The following TBC1D32 variants were observed in gnomAD, a reference collection of about 807,000 sequenced individuals.
TBC1D32 encodes protein broad-minded.
TBC1D32 carries 151 observed loss-of-function variants against 170.3 expected under a neutral mutation model. That is an observed-to-expected ratio of 0.89 (90% CI 0.78 to 1.01). The LOEUF is 1.01. TBC1D32 is among the 50% of genes least tolerant of loss of function. The pLI is 0.00. For synonymous variants in TBC1D32, 498 were observed against 488.0 expected, an observed-to-expected ratio of 1.02 and a Z score of -0.27; for missense variants, 1,464 against 1,457.1, an observed-to-expected ratio of 1.00 and a Z score of -0.08.
chr6:121,095,077 C>A (rs2128180127), intron 30 of TBC1D32, among the ~76,000 whole-genome samples: 1 of 152,118 alleles, frequency 6.6e-6, no homozygotes, highest in African/African-American at 2.4e-5. Flanking sequence ...ATGAAATGGG[C>A]TTATAAAGAA....
chr6:121,309,056 A>G (rs1187012866), intron 4 of TBC1D32, among the ~76,000 whole-genome samples: 1 of 151,898 alleles, frequency 6.6e-6, no homozygotes, highest in Non-Finnish European at 1.5e-5. Context: ...ACTCTGAACC[A>G]GGGCCCAACT....
chr6:121,246,386 C>T (rs4555965), intron 17 of TBC1D32, among the ~76,000 whole-genome samples: 134,402 of 152,062 alleles, frequency 0.88, 59,837 homozygotes, highest in East Asian at 0.98. Flanking sequence ...AAAAATTTTT[C>T]TAATCCGATC....
chr6:121,290,170 G>T (rs1804601578), intron 12 of TBC1D32, among the ~76,000 whole-genome samples: 1 of 152,172 alleles, frequency 6.6e-6, no homozygotes, highest in Non-Finnish European at 1.5e-5. Context: ...AAGCTAAAGA[G>T]CTTCTGCACA....
At chr6:121,175,728 A>G (rs1395041322) in intron 22 of TBC1D32, among the ~76,000 whole-genome samples, 1 of 152,218 alleles carries the variant, frequency 6.6e-6, no homozygotes, top group Non-Finnish European at 1.5e-5. Context: ...AGACAAATCT[A>G]TCTCAATACA....
intron 3 of TBC1D32, among the ~76,000 whole-genome samples, chr6:121,315,583 G>A (rs76484580): frequency 0.033 from 4,993 of 152,128 alleles, 194 homozygotes; most frequent in East Asian, 0.12. Context: ...AAATGAAAGT[G>A]TTTCACTAAT....
intron 1 of TBC1D32, among the ~76,000 whole-genome samples, chr6:121,322,561 C>A (rs2128504085): frequency 6.6e-6 from 1 of 152,238 alleles, no homozygotes; most frequent in East Asian, 1.9e-4. Context: ...CCTTTCTCAC[C>A]TAAGACCCAA....
intron 12 of TBC1D32, among the ~76,000 whole-genome samples, chr6:121,290,472 AT>A: frequency 6.6e-6 from 1 of 152,010 alleles, no homozygotes; most frequent in East Asian, 1.9e-4. Flanking sequence ...ACCAGTTAGA[AT>A]GGCGATCATT....
In TBC1D32 at chr6:121,085,264, T is replaced by C. The variant is rs951261488; in HGVS notation, c.3655-4374A>G. ...ATACATACGTATATATATACACATA[T>C]ATACATATATACGTATATATATACA... On this transcript the variant is annotated intron_variant, in intron 31 of 31. Transcript: ENST00000398212. 1.0e-2 allele frequency among the ~76,000 whole-genome samples: 1,473 copies of C among 147,306 alleles called. 21 individuals are homozygous for C. The highest frequency in any genetic ancestry group is 0.034 in the African/African-American group (1,385 of 40,398).
At chr6:121,087,454 G>A (rs914407661) in intron 31 of TBC1D32, among the ~76,000 whole-genome samples, 2 of 152,022 alleles carry the variant, frequency 1.3e-5, no homozygotes, top group Admixed American at 6.6e-5. Flanking sequence ...GACTACAAAT[G>A]GACTGATATT....
chr6:121,132,412 T>G (rs182793010), intron 24 of TBC1D32, among the ~76,000 whole-genome samples: 1 of 152,002 alleles, frequency 6.6e-6, no homozygotes, highest in Non-Finnish European at 1.5e-5. Flanking sequence ...GATGAGAAGT[T>G]GAGACCAGAG....
intron 12 of TBC1D32, among the ~76,000 whole-genome samples, chr6:121,285,292 T>C (rs1181964197): frequency 6.6e-6 from 1 of 152,188 alleles, no homozygotes; most frequent in Admixed American, 6.5e-5. Context: ...CAAAAGTGCA[T>C]GGGTTGAAGT....
intron 30 of TBC1D32, among the ~76,000 whole-genome samples, chr6:121,100,062 T>C (rs548925772): frequency 6.6e-6 from 1 of 152,112 alleles, no homozygotes; most frequent in East Asian, 1.9e-4. Flanking sequence ...TTGGTTTCCA[T>C]GTAGTTGAGC....
At chr6:121,265,208 T>A (rs1163033085) in intron 15 of TBC1D32, among the ~76,000 whole-genome samples, 1 of 152,124 alleles carries the variant, frequency 6.6e-6, no homozygotes, top group Non-Finnish European at 1.5e-5. Context: ...CAAGCAACTT[T>A]AGCAAAGTCC....
intron 2 of TBC1D32, among the ~76,000 whole-genome samples, chr6:121,318,082 C>T (rs896183024): frequency 7.3e-5 from 11 of 150,598 alleles, no homozygotes; most frequent in African/African-American, 2.2e-4. Context: ...TCTCCACCCC[C>T]CTATCCTTTA....
intron 22 of TBC1D32, among the ~76,000 whole-genome samples, chr6:121,181,683 T>TA (rs1370339822): frequency 1.3e-5 from 2 of 152,134 alleles, no homozygotes; most frequent in Non-Finnish European, 2.9e-5. Context: ...CTTCCATGTT[T>TA]ACTGCAGCAC....
intron 31 of TBC1D32, among the ~76,000 whole-genome samples, chr6:121,087,326 AT>A (rs1562433714): frequency 6.6e-6 from 1 of 152,184 alleles, no homozygotes; most frequent in Non-Finnish European, 1.5e-5. Flanking sequence ...ATTCCAACTT[AT>A]CTTTTTAATA....
At chr6:121,255,814 T>A (rs1173521234) in intron 16 of TBC1D32, among the ~76,000 whole-genome samples, 1 of 152,108 alleles carries the variant, frequency 6.6e-6, no homozygotes, top group East Asian at 1.9e-4. Flanking sequence ...TGTTAGTCTA[T>A]GTAAGGAAAA....
At chr6:121,313,546 G>A (rs1348906357) in intron 3 of TBC1D32, among the ~76,000 whole-genome samples, 3 of 151,906 alleles carry the variant, frequency 2.0e-5, no homozygotes, top group Non-Finnish European at 4.4e-5. Context: ...CCTGTCCCAG[G>A]CCTAACTCTA....
intron 22 of TBC1D32, among the ~76,000 whole-genome samples, chr6:121,172,932 T>C (rs1787260164): frequency 1.3e-5 from 2 of 152,286 alleles, no homozygotes; most frequent in African/African-American, 4.8e-5. Context: ...TATTTGAAGA[T>C]TACATATGAT....
Sources: gnomAD v4.1 joint callset for allele counts (sites outside exome capture counted in the v4.1 genomes callset) on GRCh38, gnomAD v4.1.1 for gene constraint, MANE v1.5 for transcripts, NCBI Gene and HGNC (gene_info 2026-07-23, HGNC 2026-07-21) for gene names.